TLN2: variants seen among roughly 807,000 people sequenced by gnomAD.
TLN2 encodes the protein talin-2.
In TLN2, 118 loss-of-function variants were observed where a neutral mutation model predicts 294.7. The ratio of observed to expected loss-of-function variants is 0.40; its 90% CI spans 0.34 to 0.47. The LOEUF (loss-of-function observed/expected upper bound fraction) is 0.47, where lower values mean the gene tolerates loss of function less well. Among genes scored for constraint, TLN2 ranks in the 20% least tolerant of loss-of-function variants. TLN2 has a pLI of 0.84. For missense variants in TLN2, 3,083 were observed against 3,282.2 expected (o/e 0.94, Z 1.48); for synonymous variants, 1,431 against 1,304.5 (o/e 1.10, Z -2.09).
At chr15:62,793,698 T>A (rs1424264649) in intron 46 of TLN2, among the ~76,000 whole-genome samples, 6 of 152,100 alleles carry the variant, frequency 3.9e-5, no homozygotes, top group Admixed American at 3.9e-4. Context: ...CTTTGCTTTT[T>A]GTCTCGGAAT....
At chr15:62,661,336 A>T (rs1270686419) in intron 9 of TLN2, among the ~76,000 whole-genome samples, 1 of 152,152 alleles carries the variant, frequency 6.6e-6, no homozygotes, top group Non-Finnish European at 1.5e-5. Flanking sequence ...GTTGGGAAAA[A>T]AATTGAACAT....
chr15:62,779,144 T>C (rs539316773), intron 43 of TLN2, among the ~76,000 whole-genome samples: 3 of 152,372 alleles, frequency 2.0e-5, no homozygotes, highest in East Asian at 3.9e-4. Context: ...GTGCTTTCAC[T>C]GTGGAGCTTC....
At position 62,526,190 on chromosome 15, in the gene TLN2, C is replaced by T. The variant is rs567576310; in HGVS notation, c.-237-63497C>T. 3.0e-4 allele frequency among the ~76,000 whole-genome samples: 45 copies of T among 152,200 alleles called. 1 individual carries two copies. The Middle Eastern group carries it at 0.024, about 81-fold the overall frequency. ...TGTCACCCAGGCTGGAGTGAAGTGG[C>T]GCAATCTCGGCTCACTGCAAGTTCT... On this transcript the variant is annotated intron_variant, in intron 1 of 58. Coordinates refer to ENST00000636159, the MANE Select transcript of TLN2 (RefSeq NM_015059.3).
intron 1 of TLN2, among the ~76,000 whole-genome samples, chr15:62,411,071 A>G (rs940384350): frequency 1.3e-5 from 2 of 152,192 alleles, no homozygotes; most frequent in South Asian, 2.1e-4. Context: ...TACCAAGTGC[A>G]TGGTGGATAC....
chr15:62,738,431 A>G, intron 30 of TLN2, 98 bp downstream of exon 30: 1 of 1,393,030 alleles, frequency 7.2e-7, no homozygotes, highest in Non-Finnish European at 9.4e-7. Flanking sequence ...TGAGCAGCTA[A>G]CCCTTCCTTT....
intron 2 of TLN2, among the ~76,000 whole-genome samples, chr15:62,591,487 C>T (rs139359281): frequency 1.6e-4 from 24 of 152,298 alleles, no homozygotes; most frequent in Non-Finnish European, 3.4e-4. Flanking sequence ...AGAAGGGATT[C>T]TATTGGGAAC....
At position 62,800,699 on chromosome 15, in the gene TLN2, TGGAGGATGA is replaced by T; in HGVS notation, c.6410_6418del (p.Glu2137_Glu2139del). The T allele has an allele frequency of 6.2e-7, 1 of 1,614,090 alleles. No individual in the cohort carries two copies. The highest frequency in any genetic ancestry group is 8.5e-7 in the Non-Finnish European group (1 of 1,179,988). On this transcript the variant is annotated inframe_deletion, in exon 50 of 59. Transcript: ENST00000636159. ...TCGCTCCTCAAGACTGTAAAGGCAG[TGGAGGATGA>T]GGCCACCCGGGGCACCAGGGCGCTT...
chr15:62,465,768 G>A (rs935050787), intron 1 of TLN2, among the ~76,000 whole-genome samples: 2 of 152,238 alleles, frequency 1.3e-5, no homozygotes, highest in African/African-American at 4.8e-5. Context: ...TGCAGTTGCA[G>A]CTGTGCTGTT....
At chr15:62,558,803 A>C (rs190299029) in intron 1 of TLN2, among the ~76,000 whole-genome samples, 49 of 152,294 alleles carry the variant, frequency 3.2e-4, no homozygotes, top group Admixed American at 1.2e-3. Context: ...TTGTTCACGT[A>C]GTTCCCTCTG....
At chr15:62,393,849 C>G (rs1346516012) in intron 1 of TLN2, among the ~76,000 whole-genome samples, 1 of 138,286 alleles carries the variant, frequency 7.2e-6, no homozygotes, top group African/African-American at 2.7e-5. Flanking sequence ...TTGCCTGATT[C>G]TTTTTTTTTT....
intron 37 of TLN2, among the ~76,000 whole-genome samples, chr15:62,756,259 C>T (rs2062243393): frequency 6.6e-6 from 1 of 152,174 alleles, no homozygotes; most frequent in Non-Finnish European, 1.5e-5. Flanking sequence ...ATCTGGTGTT[C>T]ATTAAAAATT....
In TLN2 at chr15:62,835,959, C is replaced by G; in HGVS notation, c.7260C>G (p.Ala2420=). ...CCAATGCCTCCGTTCAGGGACACGCCAGCGAGGAGAAGCTCATCTCATCTG... is the reference window on the plus strand; with the variant it reads ...CCAATGCCTCCGTTCAGGGACACGCGAGCGAGGAGAAGCTCATCTCATCTG... The part of the protein sequence containing the change: ...EAANASVQGH[A]SEEKLISSAK... The change falls in exon 57 of 59, where the codon GCC becomes GCG. Residue 2420 remains alanine, a synonymous_variant. Coordinates refer to ENST00000636159, the MANE Select transcript of TLN2 (RefSeq NM_015059.3). The G allele has an allele frequency of 6.2e-7, 1 of 1,614,188 alleles. No homozygotes were observed. Among genetic ancestry groups the G allele is most frequent in the Non-Finnish European group, 8.5e-7 (1 of 1,180,040 alleles).
intron 1 of TLN2, among the ~76,000 whole-genome samples, chr15:62,472,144 G>C (rs2037514208): frequency 6.6e-6 from 1 of 152,090 alleles, no homozygotes; most frequent in South Asian, 2.1e-4. Flanking sequence ...ACTGATGTCT[G>C]GGAATCTCCT....
intron 19 of TLN2, among the ~76,000 whole-genome samples, chr15:62,706,844 C>T (rs2059105585): frequency 6.6e-6 from 1 of 152,108 alleles, no homozygotes; most frequent in African/African-American, 2.4e-5. Flanking sequence ...ACCCTTCCCT[C>T]AAATTAACTA....
intron 1 of TLN2, among the ~76,000 whole-genome samples, chr15:62,466,056 G>A (rs2037118381): frequency 6.6e-6 from 1 of 152,140 alleles, no homozygotes; most frequent in African/African-American, 2.4e-5. Context: ...AATATGATGG[G>A]GCTTTGAGAG....
chr15:62,498,990 G>A (rs1376219445), intron 1 of TLN2, among the ~76,000 whole-genome samples: 1 of 152,186 alleles, frequency 6.6e-6, no homozygotes, highest in East Asian at 1.9e-4. Flanking sequence ...GAAAGACCAA[G>A]AAGATATGGT....
At chr15:62,602,857 AG>A in intron 2 of TLN2, among the ~76,000 whole-genome samples, 1 of 148,956 alleles carries the variant, frequency 6.7e-6, no homozygotes, top group African/African-American at 2.5e-5. Context: ...CTATAGCTAG[AG>A]GTGTTTGCTT....
At chr15:62,765,061 C>A (rs902575964) in intron 40 of TLN2, among the ~76,000 whole-genome samples, 1 of 151,096 alleles carries the variant, frequency 6.6e-6, no homozygotes, top group South Asian at 2.1e-4. Flanking sequence ...CCTCCCTCAC[C>A]CAGTACATCT....
intron 3 of TLN2, among the ~76,000 whole-genome samples, chr15:62,625,878 G>A (rs1318119703): frequency 2.0e-5 from 3 of 152,158 alleles, no homozygotes; most frequent in Non-Finnish European, 4.4e-5. Flanking sequence ...CTGAAGGAAG[G>A]ACTGTAGGGC....
Sources: allele counts gnomAD v4.1 joint callset (sites outside exome capture counted in the v4.1 genomes callset), GRCh38; gene constraint gnomAD v4.1.1; transcripts MANE v1.5; gene names NCBI Gene and HGNC (gene_info 2026-07-23, HGNC 2026-07-21).